Variants in PITPNM3 observed in about 807,000 individuals in gnomAD.
PITPNM3 encodes the protein PITPNM family member 3, also known as membrane-associated phosphatidylinositol transfer protein 3.
PITPNM3 carries 26 observed loss-of-function variants against 102.0 expected under a neutral mutation model. That is an observed-to-expected ratio of 0.25 (90% CI 0.19 to 0.35). The LOEUF is 0.35. Among genes scored for constraint, PITPNM3 ranks in the 10% least tolerant of loss-of-function variants. The probability of loss-of-function intolerance (pLI) is 1.00; values close to 1 mark genes in which losing one functional copy is unlikely to be tolerated. For missense variants in PITPNM3, 1,083 were observed against 1,346.1 expected, an observed-to-expected ratio of 0.80 and a Z score of 3.06; for synonymous variants, 578 against 558.6, an observed-to-expected ratio of 1.03 and a Z score of -0.49.
intron 3 of PITPNM3, among the ~76,000 whole-genome samples, chr17:6,508,759 T>G (rs1907693476): frequency 6.6e-6 from 1 of 151,626 alleles, no homozygotes; most frequent in Admixed American, 6.6e-5. Context: ...ACCGACGGGG[T>G]CAGGAATAAG....
chr17:6,490,275 A>G (rs1906377341), intron 4 of PITPNM3, among the ~76,000 whole-genome samples: 1 of 152,152 alleles, frequency 6.6e-6, no homozygotes, highest in Admixed American at 6.5e-5. Flanking sequence ...GGCCCTGGAT[A>G]GAGTCCTCGG....
chr17:6,508,094 T>C (rs1323646295), intron 3 of PITPNM3, among the ~76,000 whole-genome samples: 1 of 148,558 alleles, frequency 6.7e-6, no homozygotes, highest in Non-Finnish European at 1.5e-5. Context: ...GAATGCAGAG[T>C]TCAGAGGCCG....
At chr17:6,505,311 T>C (rs1477296432) in intron 3 of PITPNM3, among the ~76,000 whole-genome samples, 1 of 151,932 alleles carries the variant, frequency 6.6e-6, no homozygotes, top group African/African-American at 2.4e-5. Flanking sequence ...CTTCTAACCA[T>C]TGATTCAAGA....
chr17:6,553,611 C>T (rs1867274), intron 1 of PITPNM3, among the ~76,000 whole-genome samples: 66,138 of 152,040 alleles, frequency 0.44, 14,479 homozygotes, highest in Admixed American at 0.5. Flanking sequence ...TGCCTTTTCT[C>T]TCCGTGGGTG....
intron 4 of PITPNM3, among the ~76,000 whole-genome samples, chr17:6,488,305 T>C (rs1906221027): frequency 6.6e-6 from 1 of 152,102 alleles, no homozygotes; most frequent in Non-Finnish European, 1.5e-5. Flanking sequence ...TGCAAGCCCT[T>C]CCTCCCTTTG....
chr17:6,527,202 G>A (rs1038917815), intron 2 of PITPNM3, among the ~76,000 whole-genome samples: 123 of 152,366 alleles, frequency 8.1e-4, no homozygotes, highest in African/African-American at 2.7e-3. Context: ...TCAAGGTGCT[G>A]TAAACAAATA....
rs1305880591 is a variant in PITPNM3, at chr17:6,453,165, C to G, written c.*2173G>C. 1 of 151,888 alleles carries G rather than the reference C, an allele frequency of 6.6e-6. No individual in the cohort carries two copies. Among genetic ancestry groups the G allele is most frequent in the Admixed American group, 6.6e-5 (1 of 15,226 alleles). 9.4% of individuals were successfully genotyped at this position (151,888 alleles called of 1,614,324 possible). A position where few individuals can be genotyped will look rare whatever the true frequency, so the allele number is the denominator to read the frequency against. On this transcript the variant is annotated 3_prime_UTR_variant, in exon 20 of 20. Coordinates refer to ENST00000262483, the MANE Select transcript of PITPNM3 (RefSeq NM_031220.4). Reference sequence around the variant, plus strand: ...TCTCCCTCTCTCTCTTTCTCTCTCCCTCTCCCTCTCTCGCCTAGCCTGGGG... The same window carrying G: ...TCTCCCTCTCTCTCTTTCTCTCTCCGTCTCCCTCTCTCGCCTAGCCTGGGG...
rs746110859 is a variant in PITPNM3 at position 6,464,328 on chromosome 17, T to G, written c.2008-10A>C. 1 of 1,612,980 alleles carries G rather than the reference T, an allele frequency of 6.2e-7. No individual in the cohort carries two copies. The highest frequency in any genetic ancestry group is 1.1e-5 in the South Asian group (1 of 91,074). ...TTACTAGGATGTCCACCTGCGGCAG[T>G]GAAGGGGGTCAGGGACTCCCTGAAG... is the stretch of plus-strand genomic sequence containing the variant. On this transcript the variant is annotated splice_polypyrimidine_tract_variant and intron_variant, in intron 15 of 19. Coordinates refer to ENST00000262483, the MANE Select transcript of PITPNM3 (RefSeq NM_031220.4).
rs908314078 is a variant in PITPNM3 at position 6,555,220 on chromosome 17, G to A, written c.22+1165C>T. On this transcript the variant is annotated intron_variant, in intron 1 of 19. Coordinates refer to ENST00000262483, the MANE Select transcript of PITPNM3 (RefSeq NM_031220.4). ...TGCCTCACACAACCGGCCCCACCCC[G>A]ACAGGACTCCTTGGGGACAGAACGG... Among the ~76,000 whole-genome samples the A allele has an allele frequency of 2.0e-5, 3 of 152,182 alleles. 1 individual carries two copies. Among genetic ancestry groups the A allele is most frequent in the South Asian group, 4.1e-4 (2 of 4,828 alleles).
At chr17:6,553,283 A>T (rs1452842002) in intron 1 of PITPNM3, among the ~76,000 whole-genome samples, 3 of 152,026 alleles carry the variant, frequency 2.0e-5, no homozygotes, top group Admixed American at 2.0e-4. Flanking sequence ...ACCATAAATG[A>T]TGCCTTTCTG....
intron 2 of PITPNM3, among the ~76,000 whole-genome samples, chr17:6,536,435 T>TAA (rs1355522533): frequency 6.6e-6 from 1 of 152,192 alleles, no homozygotes; most frequent in Non-Finnish European, 1.5e-5. Flanking sequence ...GGTTAGTTGC[T>TAA]ATGGAGAAAT....
Position 6,459,992 on chromosome 17 carries a change from A to G in PITPNM3, c.2490+1381T>C, listed in dbSNP as rs1322449932. Among the ~76,000 whole-genome samples, 1 of 151,936 alleles carries G rather than the reference A, an allele frequency of 6.6e-6. No individual in the cohort carries two copies. The highest frequency in any genetic ancestry group is 1.5e-5 in the Non-Finnish European group (1 of 67,988). ...TTTCTCCTGCCAATCTGTTCTCCAC[A>G]CAGCCACCAATGGGATCTTTCTATA... is the stretch of plus-strand genomic sequence containing the variant. On this transcript the variant is annotated intron_variant, in intron 18 of 19. Coordinates refer to ENST00000262483, the MANE Select transcript of PITPNM3 (RefSeq NM_031220.4). This position sits in a 1 kb window ranked among gnomAD's most constrained non-coding sequence, Gnocchi z 5.0.
chr17:6,467,766 C>A (rs1010776539), intron 14 of PITPNM3, among the ~76,000 whole-genome samples: 1 of 152,222 alleles, frequency 6.6e-6, no homozygotes, highest in South Asian at 2.1e-4. Context: ...TCCTTCAATA[C>A]CCCACAGAGG....
chr17:6,491,548 G>C (rs1906484596), intron 4 of PITPNM3, among the ~76,000 whole-genome samples: 1 of 152,168 alleles, frequency 6.6e-6, no homozygotes, highest in Admixed American at 6.5e-5. Context: ...GGGGCCCAGA[G>C]CCCACCTTCC....
Position 6,451,316 on chromosome 17 carries a change from G to A in PITPNM3, c.*4022C>T, listed in dbSNP as rs2150708214. 1 of 152,314 alleles carries A rather than the reference G, an allele frequency of 6.6e-6. No individual in the cohort carries two copies. The highest frequency in any genetic ancestry group is 2.4e-5 in the African/African-American group (1 of 41,564). The allele number at this position is 152,314 out of a possible 1,614,324, so 9.4% of individuals were successfully genotyped here. On this transcript the variant is annotated 3_prime_UTR_variant, in exon 20 of 20. Coordinates refer to ENST00000262483, the MANE Select transcript of PITPNM3 (RefSeq NM_031220.4). Reference sequence around the variant, plus strand: ...GACAACATTTGAGAGCTAAAAACCAGCTCACATCAAAATCAAGACCCAGTT... The same window carrying A: ...GACAACATTTGAGAGCTAAAAACCAACTCACATCAAAATCAAGACCCAGTT...
chr17:6,519,526 A>G (rs543030517), intron 3 of PITPNM3, among the ~76,000 whole-genome samples: 2 of 151,276 alleles, frequency 1.3e-5, no homozygotes, highest in African/African-American at 4.9e-5. Context: ...CTCAGAAAAA[A>G]AAAAAAAAGA....
At chr17:6,483,433 A>T in intron 6 of PITPNM3, 84 bp downstream of exon 6, 1 of 1,337,364 alleles carries the variant, frequency 7.5e-7, no homozygotes, top group Non-Finnish European at 1.1e-6. Flanking sequence ...CCACCTGCCC[A>T]CGGGGTCCAT....
chr17:6,471,715 T>C (rs972535840), intron 11 of PITPNM3, among the ~76,000 whole-genome samples: 2 of 152,102 alleles, frequency 1.3e-5, no homozygotes, highest in Non-Finnish European at 1.5e-5. Context: ...CTCATAGCCA[T>C]ATCCTCTCTT....
chr17:6,533,182 G>C lies in PITPNM3; in HGVS notation c.118+4805C>G, dbSNP rs577043818. Among the ~76,000 whole-genome samples the C allele has an allele frequency of 2.6e-5, 4 of 151,888 alleles. No homozygotes were observed. In the South Asian group the frequency reaches 8.3e-4, roughly 32 times the overall value. ...TCTCCATGTTGATCAGGCTGGTCTC[G>C]AACTCCTGACCTCAGGTGATCCACC... is the stretch of plus-strand genomic sequence containing the variant. On this transcript the variant is annotated intron_variant, in intron 2 of 19. Coordinates refer to ENST00000262483, the MANE Select transcript of PITPNM3 (RefSeq NM_031220.4).
Sources: allele counts gnomAD v4.1 joint callset (sites outside exome capture counted in the v4.1 genomes callset), GRCh38; gene constraint gnomAD v4.1.1; non-coding constraint Gnocchi (gnomAD v3.1); transcripts MANE v1.5; gene names NCBI Gene and HGNC (gene_info 2026-07-23, HGNC 2026-07-21).